TAF15: variants seen among roughly 807,000 people sequenced by gnomAD.
The protein encoded by TAF15 is TATA-box binding protein associated factor 15.
Under a neutral mutation model 102.5 loss-of-function variants are expected in TAF15, and 37 were observed. The ratio of observed to expected loss-of-function variants is 0.36; its 90% confidence interval spans 0.28 to 0.47. The LOEUF (loss-of-function observed/expected upper bound fraction) is 0.47. Ranked by LOEUF, TAF15 falls within the 20% of genes least tolerant of loss-of-function variation. TAF15 has a pLI of 0.99. For synonymous variants in TAF15, 273 were observed against 259.2 expected (o/e 1.05, Z -0.51); for missense variants, 652 against 760.7 (o/e 0.86, Z 1.68).
At chr17:35,823,985 G>A (rs1321204595) in intron 6 of TAF15, 93 bp from the exon 7 acceptor site, 1 of 1,508,052 alleles carries the variant, frequency 6.6e-7, no homozygotes, top group African/African-American at 1.4e-5. Context: ...TTTTCTATAA[G>A]GATATGTGTG....
intron 7 of TAF15, among the ~76,000 whole-genome samples, chr17:35,829,657 G>A (rs10538718): frequency 0.085 from 9,570 of 112,602 alleles, 746 homozygotes; most frequent in African/African-American, 0.13. Context: ...AAAAAAAAAA[G>A]AGAGAGAGAG....
Position 35,834,591 on chromosome 17 carries a change from A to C in TAF15, c.666A>C (p.Thr222=), listed in dbSNP as rs2087447626. The part of the protein sequence containing the change: ...FGGHRDYGPR[T]DADSESDNSD... ...GTCACAGGGATTATGGACCCAGAAC[A>C]GATGCTGGTAAGGTTTATGGTGGTT... is the stretch of plus-strand genomic sequence containing the variant. Residue 222 remains threonine (T), a synonymous_variant, in exon 9 of 16, where the codon ACA becomes ACC. Coordinates refer to ENST00000605844, the MANE Select transcript of TAF15 (RefSeq NM_139215.3). 1 of 1,613,270 alleles carries C rather than the reference A, an allele frequency of 6.2e-7. No homozygotes were observed. The highest frequency in any genetic ancestry group is 1.3e-5 in the African/African-American group (1 of 74,686).
chr17:35,810,892 A>G (rs958447488), intron 1 of TAF15: 1 of 152,242 alleles, frequency 6.6e-6, no homozygotes, highest in Non-Finnish European at 1.5e-5. Context: ...CATCTACTTC[A>G]TATAAGAGGC....
intron 7 of TAF15, among the ~76,000 whole-genome samples, chr17:35,829,803 G>T (rs183461936): frequency 1.3e-5 from 2 of 152,142 alleles, no homozygotes; most frequent in East Asian, 3.9e-4. Context: ...TGGGCTGCTC[G>T]TTGTGGTTTT....
intron 7 of TAF15, among the ~76,000 whole-genome samples, chr17:35,826,139 A>G (rs918423279): frequency 6.6e-6 from 1 of 152,138 alleles, no homozygotes; most frequent in African/African-American, 2.4e-5. Flanking sequence ...TGGCCTAGAT[A>G]CTGACTTATA....
In TAF15 at chr17:35,838,310, T is replaced by C. The variant is rs909311095; in HGVS notation, c.784-114T>C. ...GGTAACTTATTAGGTGCATAGTATT[T>C]TATAGTATGAATGTGTGAATTCCTT... On this transcript the variant is annotated intron_variant, in intron 10 of 15. Coordinates refer to ENST00000605844, the MANE Select transcript of TAF15 (RefSeq NM_139215.3). The C allele has an allele frequency of 1.7e-5, 24 of 1,397,170 alleles. No homozygotes were observed. The African/African-American group carries it at 3.3e-4, about 19-fold the overall frequency. The allele number at this position is 1,397,170 out of a possible 1,614,324, so 86.5% of individuals were successfully genotyped here.
Position 35,844,751 on chromosome 17 carries a change from T to C in TAF15, c.1452T>C (p.Gly484=), listed in dbSNP as rs777395307. ...DRGGGYGGDR[G]GYGGDRGGGY... ...GAGGTGGCTATGGAGGAGATCGAGGTGGCTATGGAGGAGACCGAGGTGGAG... is the reference window on the plus strand; with the variant it reads ...GAGGTGGCTATGGAGGAGATCGAGGCGGCTATGGAGGAGACCGAGGTGGAG... The change falls in exon 15 of 16, where the codon GGT becomes GGC. Residue 484 remains glycine, a synonymous_variant. Coordinates refer to ENST00000605844, the MANE Select transcript of TAF15 (RefSeq NM_139215.3). 1 of 1,607,400 alleles carries C rather than the reference T, an allele frequency of 6.2e-7. No individual in the cohort carries two copies. Among genetic ancestry groups the C allele is most frequent in the South Asian group, 1.1e-5 (1 of 90,700 alleles).
At chr17:35,822,525 A>G (rs2087273736) in intron 5 of TAF15, 115 bp from the exon 6 acceptor site, 1 of 937,492 alleles carries the variant, frequency 1.1e-6, no homozygotes, top group South Asian at 1.5e-5. Flanking sequence ...GAAGGTAGTC[A>G]TAAATATGGT....
rs1027998889 is a variant in TAF15, at chr17:35,809,512, G to T, written c.-58G>T. The T allele has an allele frequency of 1.2e-5, 20 of 1,611,104 alleles. No individual in the cohort carries two copies. The highest frequency in any genetic ancestry group is 1.5e-5 in the Non-Finnish European group (18 of 1,179,312). ...ACAGCTCCGGCCGCCGCGCCGCCTG[G>T]CTTTCGTATTCGTTGTTCTCGGCGG... On this transcript the variant is annotated 5_prime_UTR_variant, in exon 1 of 16. Coordinates refer to ENST00000605844, the MANE Select transcript of TAF15 (RefSeq NM_139215.3).
At chr17:35,837,724 G>A (rs760172626) in intron 10 of TAF15, among the ~76,000 whole-genome samples, 1 of 151,980 alleles carries the variant, frequency 6.6e-6, no homozygotes, top group Non-Finnish European at 1.5e-5. Flanking sequence ...CTACTTGGGC[G>A]GCTGAGGCAG....
chr17:35,812,817 A>G (rs987152088), intron 1 of TAF15, among the ~76,000 whole-genome samples: 6 of 152,100 alleles, frequency 3.9e-5, no homozygotes, highest in African/African-American at 1.4e-4. Context: ...ATAAACCTAA[A>G]GGAAGGAATC....
chr17:35,811,105 C>T (rs1283469625), intron 1 of TAF15: 1 of 152,160 alleles, frequency 6.6e-6, no homozygotes, highest in Non-Finnish European at 1.5e-5. Flanking sequence ...AAAATTCTAC[C>T]CTCGTGGAGA....
In TAF15 at chr17:35,817,738, TG is replaced by T. The variant is rs1203848194; in HGVS notation, c.35del (p.Gly12ValfsTer156). The T allele has an allele frequency of 1.9e-6, 3 of 1,613,518 alleles. No individual in the cohort carries two copies. Among genetic ancestry groups the T allele is most frequent in the Non-Finnish European group, 8.5e-7 (1 of 1,179,576 alleles). On this transcript the variant is annotated frameshift_variant, in exon 2 of 16. Coordinates refer to ENST00000605844, the MANE Select transcript of TAF15 (RefSeq NM_139215.3). LOFTEE classifies it high-confidence loss of function. ...TAGATTCTGGAAGTTACGGTCAGTC[TG>T]GGGGTGAGCAGCAAAGGTAAAGTAT... Reference protein sequence around the residue: MSDSGSYGQSGGEQQSYSTYG... With the variant: MSDSGSYGQSXGEQQSYSTYG...
At chr17:35,817,818 T>G (rs1257052920) in intron 2 of TAF15, 63 bp downstream of exon 2, 4 of 1,428,226 alleles carry the variant, frequency 2.8e-6, no homozygotes, top group East Asian at 2.3e-5. Flanking sequence ...TTGTCAAGCT[T>G]CTTCTCTTGA....
chr17:35,844,535 T>C lies in TAF15; in HGVS notation c.1236T>C (p.Gly412=). ...GCTACAGAGGTCGTGGGGGCAGAGG[T>C]GGAGACCGAGGCGGCTATGGTGGAG... ...ERGYRGRGGR[G]GDRGGYGGDR... The change falls in exon 15 of 16, where the codon GGT becomes GGC. Residue 412 remains glycine (G), a synonymous_variant. Coordinates refer to ENST00000605844, the MANE Select transcript of TAF15 (RefSeq NM_139215.3). 6.2e-7 allele frequency: 1 copy of C among 1,604,868 alleles called. No homozygotes were observed. The highest frequency in any genetic ancestry group is 8.5e-7 in the Non-Finnish European group (1 of 1,175,816).
At chr17:35,834,750 T>C (rs1409846707) in intron 9 of TAF15, 152 bp downstream of exon 9, 1 of 693,986 alleles carries the variant, frequency 1.4e-6, no homozygotes, top group South Asian at 2.0e-5. Flanking sequence ...CTTTTTTTTT[T>C]TTTTTTTTTT....
intron 7 of TAF15, among the ~76,000 whole-genome samples, chr17:35,832,710 C>A (rs2087421972): frequency 6.6e-6 from 1 of 151,896 alleles, no homozygotes; most frequent in Non-Finnish European, 1.5e-5. Flanking sequence ...GCCATGTTAG[C>A]ATATGAATCT....
chr17:35,814,094 A>G (rs1345809765), intron 1 of TAF15, among the ~76,000 whole-genome samples: 2 of 151,656 alleles, frequency 1.3e-5, no homozygotes, highest in East Asian at 1.9e-4. Context: ...TTTTGTAGAG[A>G]TAGGATCTTT....
In TAF15 at chr17:35,833,892, A is replaced by G. The variant is rs1326822518; in HGVS notation, c.606-15A>G. The G allele has an allele frequency of 5.0e-6, 8 of 1,613,554 alleles. No homozygotes were observed. Among genetic ancestry groups the G allele is most frequent in the Non-Finnish European group, 5.1e-6 (6 of 1,179,784 alleles). On this transcript the variant is annotated splice_polypyrimidine_tract_variant and intron_variant, in intron 7 of 15. Coordinates refer to ENST00000605844, the MANE Select transcript of TAF15 (RefSeq NM_139215.3). ...ACTTAAGGAAGAAATCATTTCTTCA[A>G]TTTTTCCTCTGCAGTGGTGGTGACC...
Sources: allele counts gnomAD v4.1 joint callset (sites outside exome capture counted in the v4.1 genomes callset), GRCh38; gene constraint gnomAD v4.1.1; transcripts MANE v1.5; gene names NCBI Gene and HGNC (gene_info 2026-07-23, HGNC 2026-07-21).